The following STK33 variants were observed in gnomAD, a reference collection of about 807,000 sequenced individuals.
STK33 encodes the protein serine/threonine kinase 33.
A neutral mutation model predicts 58.0 loss-of-function variants in STK33; 52 were observed. That is an observed-to-expected ratio of 0.90 (90% CI 0.72 to 1.13). The LOEUF (loss-of-function observed/expected upper bound fraction) is 1.13, where lower values mean the gene tolerates loss of function less well. Ranked by LOEUF, STK33 falls within the 50% of genes most tolerant of loss-of-function variation. The probability of loss-of-function intolerance (pLI) is 0.00; values close to 1 mark genes in which losing one functional copy is unlikely to be tolerated. For missense variants in STK33, 630 were observed against 604.2 expected, an observed-to-expected ratio of 1.04 and a Z score of -0.45; for synonymous variants, 215 against 200.1, an observed-to-expected ratio of 1.07 and a Z score of -0.63.
intron 1 of STK33, among the ~76,000 whole-genome samples, chr11:8,496,661 G>T (rs533041358): frequency 6.7e-6 from 1 of 150,162 alleles, no homozygotes; most frequent in Non-Finnish European, 1.5e-5. Context: ...TGCAAGCTCC[G>T]CCTCCCAGGT....
chr11:8,522,406 T>A (rs1953544951), intron 1 of STK33, among the ~76,000 whole-genome samples: 1 of 150,244 alleles, frequency 6.7e-6, no homozygotes, highest in African/African-American at 2.5e-5. Context: ...TTCTCCCTCA[T>A]AGGTGGAAAC....
chr11:8,350,118 A>G, the STK33 span, among the ~76,000 whole-genome samples: 2 of 152,236 alleles, frequency 1.3e-5, no homozygotes, highest in Admixed American at 1.3e-4. Flanking sequence ...ATAGATAAGG[A>G]AACTGAAGTT....
At chr11:8,442,963 A>C (rs550062505) in intron 11 of STK33, among the ~76,000 whole-genome samples, 1 of 152,288 alleles carries the variant, frequency 6.6e-6, no homozygotes, top group South Asian at 2.1e-4. Flanking sequence ...TGGGGGATTG[A>C]CTGAAAGGGA....
At chr11:8,356,094 C>A in the STK33 span, among the ~76,000 whole-genome samples, 1 of 152,224 alleles carries the variant, frequency 6.6e-6, no homozygotes, top group South Asian at 2.1e-4. Flanking sequence ...CGGAGGATTA[C>A]ACTTTGCTAA....
chr11:8,350,229 C>T, the STK33 span, among the ~76,000 whole-genome samples: 3 of 152,256 alleles, frequency 2.0e-5, no homozygotes, highest in Admixed American at 6.5e-5. Flanking sequence ...GTGCCTTCTA[C>T]ACCCACGCTG....
intron 1 of STK33, among the ~76,000 whole-genome samples, chr11:8,491,401 G>C (rs1277288686): frequency 1.3e-5 from 2 of 152,250 alleles, no homozygotes; most frequent in South Asian, 2.1e-4. Flanking sequence ...AGAAAAAAGA[G>C]TAAACAGAAA....
chr11:8,354,692 A>ATGGTTTC, the STK33 span, among the ~76,000 whole-genome samples: 1 of 152,202 alleles, frequency 6.6e-6, no homozygotes, highest in Non-Finnish European at 1.5e-5. Context: ...TTCTGTTCAG[A>ATGGTTTC]TGGTTTCAAA....
At chr11:8,365,871 G>A in the STK33 span, among the ~76,000 whole-genome samples, 1 of 151,990 alleles carries the variant, frequency 6.6e-6, no homozygotes, top group South Asian at 2.1e-4. Context: ...CTGGAACTCG[G>A]GCTTCAGCAC....
At position 8,544,319 on chromosome 11, in the gene STK33, G is replaced by GTATATATATGTA. The variant is rs1554991185; in HGVS notation, c.-466+49763_-466+49764insTACATATATATA. Among the ~76,000 whole-genome samples, 367 of 146,396 alleles carry GTATATATATGTA rather than the reference G, an allele frequency of 2.5e-3. 3 individuals are homozygous for GTATATATATGTA. The highest frequency in any genetic ancestry group is 7.7e-3 in the African/African-American group (310 of 40,234). ...AATTTTATATATATATATAAAATAT[G>GTATATATATGTA]TATATATATATTTATAAAATTATAT... On this transcript the variant is annotated intron_variant, in intron 1 of 15. Coordinates refer to ENST00000687296, the MANE Select transcript of STK33 (RefSeq NM_001352389.2).
chr11:8,479,126 G>T (rs1298242459), intron 2 of STK33, among the ~76,000 whole-genome samples: 1 of 152,156 alleles, frequency 6.6e-6, no homozygotes, highest in Non-Finnish European at 1.5e-5. Context: ...TTAAAAGCGA[G>T]AACAGAGGCC....
intron 14 of STK33, among the ~76,000 whole-genome samples, chr11:8,431,321 C>T (rs1943401845): frequency 6.6e-6 from 1 of 151,814 alleles, no homozygotes; most frequent in Non-Finnish European, 1.5e-5. Context: ...AAAATAACAG[C>T]CAACAGTTAG....
At chr11:8,437,017 T>A (rs542029194) in intron 12 of STK33, among the ~76,000 whole-genome samples, 3 of 152,142 alleles carry the variant, frequency 2.0e-5, no homozygotes, top group Non-Finnish European at 4.4e-5. Flanking sequence ...GGAATTTCTA[T>A]AGGACCTAAG....
downstream of STK33, among the ~76,000 whole-genome samples, chr11:8,390,801 A>C (rs1848610329): frequency 6.6e-6 from 1 of 152,242 alleles, no homozygotes; most frequent in African/African-American, 2.4e-5. Flanking sequence ...CCTTTGCTCA[A>C]GCTTACTGAG....
chr11:8,581,638 C>T (rs1591895285), intron 1 of STK33, among the ~76,000 whole-genome samples: 2 of 152,180 alleles, frequency 1.3e-5, no homozygotes, highest in East Asian at 3.8e-4. Flanking sequence ...AACTCTCTGT[C>T]CATGAAGGAT....
chr11:8,530,097 A>G (rs1439789038), intron 1 of STK33, among the ~76,000 whole-genome samples: 1 of 152,244 alleles, frequency 6.6e-6, no homozygotes, highest in African/African-American at 2.4e-5. Context: ...GAGGCTTTGC[A>G]TCTACAAAGA....
At chr11:8,561,545 T>C (rs1236731759) in intron 1 of STK33, among the ~76,000 whole-genome samples, 1 of 152,210 alleles carries the variant, frequency 6.6e-6, no homozygotes, top group Non-Finnish European at 1.5e-5. Context: ...TTTAGAATTC[T>C]GTGTTCTTTG....
At chr11:8,357,461 G>A in the STK33 span, among the ~76,000 whole-genome samples, 3 of 152,242 alleles carry the variant, frequency 2.0e-5, no homozygotes, top group African/African-American at 7.2e-5. Flanking sequence ...TTCATATTTG[G>A]TTCAATAAGT....
chr11:8,501,963 T>G (rs888097369), intron 1 of STK33, among the ~76,000 whole-genome samples: 1 of 152,164 alleles, frequency 6.6e-6, no homozygotes, highest in African/African-American at 2.4e-5. Flanking sequence ...AGTCTATTTA[T>G]ATGAAATGTC....
intron 1 of STK33, among the ~76,000 whole-genome samples, chr11:8,487,740 G>A (rs557922254): frequency 1.3e-5 from 2 of 152,242 alleles, no homozygotes; most frequent in South Asian, 2.1e-4. Context: ...AAGTTGAGCT[G>A]TGGAATACCA....
Sources: allele counts gnomAD v4.1 joint callset (sites outside exome capture counted in the v4.1 genomes callset), GRCh38; gene constraint gnomAD v4.1.1; transcripts MANE v1.5; gene names NCBI Gene and HGNC (gene_info 2026-07-23, HGNC 2026-07-21).